The following NPC2 variants were observed in gnomAD, a reference collection of about 807,000 sequenced individuals.
The protein encoded by NPC2 is Niemann-Pick disease type C2 protein.
A neutral mutation model predicts 17.0 loss-of-function variants in NPC2; 14 were observed. The ratio of observed to expected loss-of-function variants is 0.82; its 90% CI spans 0.54 to 1.29. The LOEUF (loss-of-function observed/expected upper bound fraction) is 1.29, where lower values mean the gene tolerates loss of function less well. Among genes scored for constraint, NPC2 ranks in the 50% most tolerant of loss-of-function variants. The pLI, the probability that NPC2 is intolerant of heterozygous loss-of-function variation, is 0.00. For synonymous variants in NPC2, 75 were observed against 69.3 expected (o/e 1.08, Z -0.41); for missense variants, 167 against 183.4 (o/e 0.91, Z 0.52).
chr14:74,480,996 A>G, intron 3 of NPC2, among the ~76,000 whole-genome samples: 1 of 152,258 alleles, frequency 6.6e-6, no homozygotes, highest in East Asian at 1.9e-4. Flanking sequence ...GCAGCACCAC[A>G]TACTAACTTG....
chr14:74,483,536 A>G, intron 3 of NPC2: 7 of 1,484,196 alleles, frequency 4.7e-6, no homozygotes, highest in South Asian at 1.3e-5. Context: ...GCTCTGAGCT[A>G]GGTTACAGGA....
rs1400862719 is a variant in NPC2 at position 74,480,512 on chromosome 14, C to T, written c.441+190G>A. 4 of 749,828 alleles carry T rather than the reference C, an allele frequency of 5.3e-6. No homozygotes were observed. In the East Asian group the frequency reaches 9.8e-5, roughly 18 times the overall value. The allele number at this position is 749,828 out of a possible 1,614,324, so 46.4% of individuals were successfully genotyped here. On this transcript the variant is annotated intron_variant, in intron 4 of 4. Transcript: ENST00000555619. ...TTCCTTCAACCTTTTTTTTTTTTAA[C>T]AAAGGATATTACAAAGGCAACAGTT...
intron 1 of NPC2, among the ~76,000 whole-genome samples, chr14:74,490,844 G>A (rs915157849): frequency 6.6e-6 from 1 of 152,204 alleles, no homozygotes; most frequent in Non-Finnish European, 1.5e-5. Context: ...ATCTGTAACT[G>A]AAACCCTTCT....
chr14:74,482,628 T>C (rs957794228), intron 3 of NPC2, among the ~76,000 whole-genome samples: 1 of 152,212 alleles, frequency 6.6e-6, no homozygotes, highest in East Asian at 1.9e-4. Flanking sequence ...CTTTAATTAT[T>C]TGGTACCTGG....
At chr14:74,483,169 A>G in intron 3 of NPC2, 1 of 846,466 alleles carries the variant, frequency 1.2e-6, no homozygotes, top group Non-Finnish European at 2.0e-6. Flanking sequence ...TACAGCAATG[A>G]GGGATTTGTA....
rs776703822 is a variant in NPC2 at position 74,480,278 on chromosome 14, A to G, written c.452T>C (p.Leu151Pro). The G allele has an allele frequency of 1.9e-6, 3 of 1,613,854 alleles. No individual in the cohort carries two copies. The African/African-American group carries it at 4.0e-5, about 22-fold the overall frequency. Residue 151 changes from leucine (L) to proline (P), a missense_variant, in exon 5 of 5, where the codon CTC becomes CCC. Transcript: ENST00000555619. ...WEIPVQIVSH[L>P] ...GCACCGAACTCAATGAGGCACTTAG[A>G]GATGAGAAACCTGTGGATGTAATGT... is the stretch of plus-strand genomic sequence containing the variant.
At chr14:74,487,104 T>C (rs376374408) in intron 1 of NPC2, among the ~76,000 whole-genome samples, 2 of 151,524 alleles carry the variant, frequency 1.3e-5, no homozygotes, top group Non-Finnish European at 2.9e-5. Context: ...GCGAGTGCCA[T>C]CATGCCCGGC....
intron 3 of NPC2, among the ~76,000 whole-genome samples, chr14:74,481,856 T>C (rs1344706829): frequency 6.6e-6 from 1 of 152,240 alleles, no homozygotes; most frequent in African/African-American, 2.4e-5. Context: ...TCCTTTCTTA[T>C]GTGGACATTA....
Position 74,480,021 on chromosome 14 carries a change from T to TAA in NPC2, c.*251_*252dup. 5.1e-6 allele frequency: 7 copies of TAA among 1,380,880 alleles called. No individual in the cohort carries two copies. Among genetic ancestry groups the TAA allele is most frequent in the Admixed American group, 2.7e-5 (1 of 37,284 alleles). 85.5% of individuals were successfully genotyped at this position (1,380,880 alleles called of 1,614,324 possible). On this transcript the variant is annotated 3_prime_UTR_variant, in exon 5 of 5. Coordinates refer to ENST00000555619, the MANE Select transcript of NPC2 (RefSeq NM_006432.5). ...GAAAGAGGCCACAAGTTAATGTTGT[T>TAA]AAAAAAAAAATTAAACATCTGCTAA...
chr14:74,485,104 G>A (rs923436774), intron 2 of NPC2, among the ~76,000 whole-genome samples: 3 of 151,890 alleles, frequency 2.0e-5, no homozygotes, highest in African/African-American at 7.3e-5. Context: ...AGACCAGCCT[G>A]GCCAACATGG....
chr14:74,480,924 C>T, intron 3 of NPC2, 145 bp from the exon 4 acceptor site: 1 of 769,648 alleles, frequency 1.3e-6, no homozygotes, highest in Admixed American at 1.8e-5. Flanking sequence ...GGCTGCTTAG[C>T]ATGTGGGCAC....
chr14:74,484,407 T>A lies in NPC2; in HGVS notation c.363+8A>T. On this transcript the variant is annotated splice_region_variant and intron_variant, in intron 3 of 4. Transcript: ENST00000555619. Reference sequence around the variant, plus strand: ...GCCTCCCGTGTCCTCAATAATGGTATCACTTACAGAGGGATATTCGCTTTT... The same window carrying A: ...GCCTCCCGTGTCCTCAATAATGGTAACACTTACAGAGGGATATTCGCTTTT... 1 of 1,613,938 alleles carries A rather than the reference T, an allele frequency of 6.2e-7. No individual in the cohort carries two copies. The highest frequency in any genetic ancestry group is 8.5e-7 in the Non-Finnish European group (1 of 1,179,838).
At chr14:74,492,940 A>C (rs1425998700) in intron 1 of NPC2, among the ~76,000 whole-genome samples, 2 of 152,192 alleles carry the variant, frequency 1.3e-5, no homozygotes, top group African/African-American at 2.4e-5. Flanking sequence ...ACTTCAGCAA[A>C]AGGCCCACCT....
chr14:74,489,217 T>A (rs1043517192), intron 1 of NPC2, among the ~76,000 whole-genome samples: 1 of 152,142 alleles, frequency 6.6e-6, no homozygotes, highest in Non-Finnish European at 1.5e-5. Context: ...GCTACCTGAG[T>A]CTGGGTTTCA....
intron 2 of NPC2, among the ~76,000 whole-genome samples, chr14:74,485,156 G>T (rs539027545): frequency 7.2e-5 from 11 of 151,866 alleles, no homozygotes; most frequent in Non-Finnish European, 1.3e-4. Context: ...TTAGCCGGGC[G>T]TGGTGGCGCA....
intron 3 of NPC2, among the ~76,000 whole-genome samples, chr14:74,481,157 T>C (rs911163188): frequency 6.6e-6 from 1 of 152,232 alleles, no homozygotes; most frequent in African/African-American, 2.4e-5. Flanking sequence ...GTGGGAAGTA[T>C]TGGATCATGG....
At chr14:74,492,410 A>G (rs1436812583) in intron 1 of NPC2, among the ~76,000 whole-genome samples, 5 of 152,196 alleles carry the variant, frequency 3.3e-5, no homozygotes, top group Admixed American at 1.3e-4. Context: ...GAATTCAATG[A>G]TTGATTATAC....
intron 3 of NPC2, among the ~76,000 whole-genome samples, chr14:74,481,251 TAA>T (rs1034128117): frequency 1.3e-5 from 2 of 152,232 alleles, no homozygotes; most frequent in Non-Finnish European, 2.9e-5. Flanking sequence ...TCTGGCTGTT[TAA>T]AAGAGTCTGG....
rs766219527 is a variant in NPC2 at position 74,486,396 on chromosome 14, T to C, written c.123A>G (p.Pro41=). The change falls in exon 2 of 5, where the codon CCA becomes CCG. Residue 41 remains proline, a synonymous_variant. Coordinates refer to ENST00000555619, the MANE Select transcript of NPC2 (RefSeq NM_006432.5). The part of the protein sequence containing the change: ...DGVIKEVNVS[P]CPTQPCQLSK... ...TCAGCTGGCAGGGTTGGGTGGGGCATGGGCTCACATTCACTTCCTTTATAA... is the reference window on the plus strand; with the variant it reads ...TCAGCTGGCAGGGTTGGGTGGGGCACGGGCTCACATTCACTTCCTTTATAA... 8 of 1,604,620 alleles carry C rather than the reference T, an allele frequency of 5.0e-6. No individual in the cohort carries two copies. The highest frequency in any genetic ancestry group is 2.2e-5 in the East Asian group (1 of 44,812).
Sources: allele counts gnomAD v4.1 joint callset (sites outside exome capture counted in the v4.1 genomes callset), GRCh38; gene constraint gnomAD v4.1.1; transcripts MANE v1.5; gene names NCBI Gene and HGNC (gene_info 2026-07-23, HGNC 2026-07-21).